Variants in FRK observed in about 807,000 individuals in gnomAD.
FRK encodes tyrosine-protein kinase FRK.
Under a neutral mutation model 56.4 loss-of-function variants are expected in FRK, and 51 were observed. The observed-to-expected ratio is 0.90, with a 90% confidence interval of 0.72 to 1.14. The LOEUF (loss-of-function observed/expected upper bound fraction) is 1.14. Among genes scored for constraint, FRK ranks in the 50% most tolerant of loss-of-function variants. The pLI, the probability that FRK is intolerant of heterozygous loss-of-function variation, is 0.00. For missense variants in FRK, 570 were observed against 601.4 expected (o/e 0.95, Z 0.55); for synonymous variants, 245 against 217.9 (o/e 1.12, Z -1.10).
intron 1 of FRK, among the ~76,000 whole-genome samples, chr6:116,029,465 C>A (rs2114757792): frequency 6.6e-6 from 1 of 152,162 alleles, no homozygotes; most frequent in Admixed American, 6.6e-5. Flanking sequence ...TTATTTTATA[C>A]ATATTTATTG....
rs561273499 is a variant in FRK, at chr6:116,000,223, C to CTTTTTTTTTTTTTT, written c.466+3640_466+3653dup. Among the ~76,000 whole-genome samples the CTTTTTTTTTTTTTT allele has an allele frequency of 2.6e-4, 14 of 53,112 alleles. 2 individuals carry two copies. The highest frequency in any genetic ancestry group is 0.011 in the Middle Eastern group (1 of 94). 34.8% of individuals were successfully genotyped at this position (53,112 alleles called of 152,430 possible). On this transcript the variant is annotated intron_variant, in intron 2 of 7. Transcript: ENST00000606080. Reference sequence around the variant, plus strand: ...TTTCCTCATGAAAATATCATTCTTTCTTTTTTTTTTTTTTTTTTTTTTTTT... The same window carrying CTTTTTTTTTTTTTT: ...TTTCCTCATGAAAATATCATTCTTTCTTTTTTTTTTTTTTTTTTTTTTTTTTTTTTTTTTTTTTT...
At chr6:116,048,142 T>G (rs1777048857) in intron 1 of FRK, among the ~76,000 whole-genome samples, 1 of 152,222 alleles carries the variant, frequency 6.6e-6, no homozygotes, top group African/African-American at 2.4e-5. Context: ...CTATAATACC[T>G]TGGTGTGAAT....
intron 4 of FRK, among the ~76,000 whole-genome samples, chr6:115,957,517 G>C (rs1773049015): frequency 6.6e-6 from 1 of 152,136 alleles, no homozygotes; most frequent in Admixed American, 6.5e-5. Context: ...TGCAAATATG[G>C]TTTCCATTGA....
the FRK span, among the ~76,000 whole-genome samples, chr6:116,096,930 C>G: frequency 1.3e-5 from 2 of 152,192 alleles, no homozygotes; most frequent in African/African-American, 4.8e-5. Flanking sequence ...CCAAGAACCC[C>G]CTGGAAGGAA....
At chr6:116,091,186 C>T in the FRK span, among the ~76,000 whole-genome samples, 1 of 152,132 alleles carries the variant, frequency 6.6e-6, no homozygotes, top group African/African-American at 2.4e-5. Flanking sequence ...CCAATCAGCA[C>T]TCTGTGTCTA....
At chr6:115,982,453 CCTGA>C (rs1774235068) in intron 2 of FRK, among the ~76,000 whole-genome samples, 1 of 152,232 alleles carries the variant, frequency 6.6e-6, no homozygotes, top group Non-Finnish European at 1.5e-5. Context: ...TCTAGAGAAT[CCTGA>C]CTAATACAAT....
Position 115,932,457 on chromosome 6 carries a change from T to C in FRK, c.*9957A>G, listed in dbSNP as rs1167687817. On this transcript the variant is annotated 3_prime_UTR_variant, in exon 8 of 8. Coordinates refer to ENST00000606080, the MANE Select transcript of FRK (RefSeq NM_002031.3). ...AAAACAAGAATCAAACATTGTCAGA[T>C]CAGCCCACTGGCAATTCCAATACCC... The C allele has an allele frequency of 6.6e-6, 1 of 152,212 alleles. No homozygotes were observed. Among genetic ancestry groups the C allele is most frequent in the South Asian group, 2.1e-4 (1 of 4,832 alleles). 9.4% of individuals were successfully genotyped at this position (152,212 alleles called of 1,614,324 possible).
At chr6:116,054,591 T>A (rs1361638365) in intron 1 of FRK, among the ~76,000 whole-genome samples, 2 of 147,500 alleles carry the variant, frequency 1.4e-5, no homozygotes, top group Admixed American at 6.9e-5. Context: ...TATATATAAA[T>A]ACCTTTTTAT....
At chr6:115,979,023 T>G (rs1395879245) in intron 2 of FRK, among the ~76,000 whole-genome samples, 1 of 147,500 alleles carries the variant, frequency 6.8e-6, no homozygotes, top group Non-Finnish European at 1.5e-5. Context: ...CACTGTACTC[T>G]AGCGTGGACA....
intron 2 of FRK, among the ~76,000 whole-genome samples, chr6:115,994,077 T>C (rs1212805786): frequency 6.6e-6 from 1 of 152,094 alleles, no homozygotes; most frequent in Non-Finnish European, 1.5e-5. Flanking sequence ...AACTTAATGG[T>C]TCTATGACCA....
At chr6:116,056,254 A>C (rs1582766596) in intron 1 of FRK, among the ~76,000 whole-genome samples, 1 of 137,564 alleles carries the variant, frequency 7.3e-6, no homozygotes, top group Admixed American at 8.1e-5. Flanking sequence ...TGGCTCTGTC[A>C]CCCAGCCTGG....
At chr6:115,952,925 G>A in intron 5 of FRK, among the ~76,000 whole-genome samples, 1 of 111,242 alleles carries the variant, frequency 9.0e-6, no homozygotes. Flanking sequence ...ACTGTGGTGG[G>A]GTGGGGGGAG....
At chr6:115,997,377 T>C (rs1311726555) in intron 2 of FRK, among the ~76,000 whole-genome samples, 2 of 152,144 alleles carry the variant, frequency 1.3e-5, no homozygotes, top group Non-Finnish European at 2.9e-5. Context: ...CCAAGTTCAC[T>C]GTGAGGAAAT....
intron 1 of FRK, among the ~76,000 whole-genome samples, chr6:116,015,689 T>C (rs1008745651): frequency 1.3e-5 from 2 of 152,158 alleles, no homozygotes; most frequent in Admixed American, 6.5e-5. Flanking sequence ...TGGTCTCAGA[T>C]AGAAATGAGG....
chr6:116,003,086 C>A (rs549830336), intron 2 of FRK, among the ~76,000 whole-genome samples: 1 of 152,094 alleles, frequency 6.6e-6, no homozygotes, highest in Non-Finnish European at 1.5e-5. Flanking sequence ...GGAAGCAAAG[C>A]CTCTCCCTCC....
intron 2 of FRK, among the ~76,000 whole-genome samples, chr6:115,970,066 T>C (rs1026617849): frequency 2.0e-5 from 3 of 152,226 alleles, no homozygotes; most frequent in Admixed American, 1.3e-4. Context: ...AATGCTCTTA[T>C]GATAGGAAAG....
chr6:116,068,579 G>A, the FRK span, among the ~76,000 whole-genome samples: 2 of 152,142 alleles, frequency 1.3e-5, no homozygotes, highest in South Asian at 2.1e-4. Flanking sequence ...GGCATGCCAT[G>A]TCCTTAATAT....
At chr6:116,021,170 T>A (rs1716546604) in intron 1 of FRK, among the ~76,000 whole-genome samples, 1 of 151,558 alleles carries the variant, frequency 6.6e-6, no homozygotes, top group Admixed American at 6.6e-5. Flanking sequence ...GGAGGCCTAT[T>A]ATGCACTGAA....
At chr6:116,010,853 A>C (rs937011853) in intron 1 of FRK, among the ~76,000 whole-genome samples, 1 of 152,206 alleles carries the variant, frequency 6.6e-6, no homozygotes, top group Non-Finnish European at 1.5e-5. Context: ...ATTTTGTTTT[A>C]GGCATGTTGG....
Sources: allele counts gnomAD v4.1 joint callset (sites outside exome capture counted in the v4.1 genomes callset), GRCh38; gene constraint gnomAD v4.1.1; transcripts MANE v1.5; gene names NCBI Gene and HGNC (gene_info 2026-07-23, HGNC 2026-07-21).